Variants in KAT2B observed in about 807,000 individuals in gnomAD.
The protein encoded by KAT2B is lysine acetyltransferase 2B.
In KAT2B, 36 loss-of-function variants were observed where a neutral mutation model predicts 105.9. The observed-to-expected ratio is 0.34, with a 90% CI of 0.26 to 0.45. The LOEUF is 0.45. Ranked by LOEUF, KAT2B falls within the 20% of genes least tolerant of loss-of-function variation. The probability of loss-of-function intolerance (pLI) is 1.00; values close to 1 mark genes in which losing one functional copy is unlikely to be tolerated. For synonymous variants in KAT2B, 397 were observed against 377.9 expected, an observed-to-expected ratio of 1.05 and a Z score of -0.59; for missense variants, 820 against 1,021.6, an observed-to-expected ratio of 0.80 and a Z score of 2.69.
At chr3:20,048,098 T>A (rs1271917801) in intron 1 of KAT2B, among the ~76,000 whole-genome samples, 4 of 152,146 alleles carry the variant, frequency 2.6e-5, no homozygotes, top group Non-Finnish European at 4.4e-5. Context: ...GCCACATAAG[T>A]TTATTGCATA....
chr3:20,095,091 T>C (rs1698785536), intron 2 of KAT2B, among the ~76,000 whole-genome samples, 172 bp from the exon 3 acceptor site: 1 of 152,176 alleles, frequency 6.6e-6, no homozygotes. Context: ...TAATTATAGG[T>C]AGATTTTGTG....
intron 2 of KAT2B, among the ~76,000 whole-genome samples, chr3:20,072,677 A>G (rs1026159961): frequency 1.1e-4 from 17 of 152,182 alleles, no homozygotes; most frequent in African/African-American, 4.1e-4. Context: ...TCTTCCTTTC[A>G]AGAGCTGAGT....
intron 11 of KAT2B, among the ~76,000 whole-genome samples, chr3:20,133,130 A>G (rs2125185542): frequency 6.6e-6 from 1 of 152,276 alleles, no homozygotes; most frequent in Non-Finnish European, 1.5e-5. Flanking sequence ...CCATCCTGCT[A>G]TTTTTGTCAG....
chr3:20,152,003 G>C (rs528370030), intron 17 of KAT2B, among the ~76,000 whole-genome samples: 30 of 152,080 alleles, frequency 2.0e-4, no homozygotes, highest in Non-Finnish European at 3.8e-4. Flanking sequence ...AATTCTGACT[G>C]AATAGCTAAC....
chr3:20,061,872 ATATAT>A (rs1233081154), intron 1 of KAT2B, among the ~76,000 whole-genome samples: 2 of 91,614 alleles, frequency 2.2e-5, no homozygotes, highest in African/African-American at 7.6e-5. Flanking sequence ...AAAATATATA[ATATAT>A]TTGTATAAAA....
At chr3:20,080,752 G>T (rs1236702305) in intron 2 of KAT2B, among the ~76,000 whole-genome samples, 4 of 152,186 alleles carry the variant, frequency 2.6e-5, no homozygotes, top group African/African-American at 9.6e-5. Flanking sequence ...TGTGCTGTAA[G>T]CGTGAAATGC....
chr3:20,064,809 G>C (rs979304130), intron 1 of KAT2B, among the ~76,000 whole-genome samples: 1 of 152,182 alleles, frequency 6.6e-6, no homozygotes, highest in Non-Finnish European at 1.5e-5. Flanking sequence ...TTCCATCAAC[G>C]TGTTCTTGCT....
intron 11 of KAT2B, among the ~76,000 whole-genome samples, chr3:20,136,537 C>CT (rs113597336): frequency 8.7e-5 from 13 of 149,342 alleles, no homozygotes; most frequent in South Asian, 2.1e-4. Flanking sequence ...TCATTTGCAT[C>CT]TTTTTTTTTT....
intron 3 of KAT2B, 62 bp from the exon 4 acceptor site, chr3:20,099,798 GGA>G (rs1187073303): frequency 2.6e-6 from 2 of 779,584 alleles, no homozygotes; most frequent in Non-Finnish European, 4.4e-6. Context: ...AGAAGAGAGA[GGA>G]GAGAGAGATA....
At position 20,072,634 on chromosome 3, in the gene KAT2B, A is replaced by C. The variant is rs184573877; in HGVS notation, c.430+175A>C. ...CTGGGAAGGGCTTCTCGTGAGAGAC[A>C]AATGCTGCACTGTGTGCAGTGACTT... On this transcript the variant is annotated intron_variant, in intron 2 of 17. Transcript: ENST00000263754. Among the ~76,000 whole-genome samples the C allele has an allele frequency of 1.4e-4, 22 of 152,364 alleles. No homozygotes were observed. In the East Asian group the frequency reaches 4.2e-3, roughly 29 times the overall value.
chr3:20,049,535 C>G (rs762163690), intron 1 of KAT2B, among the ~76,000 whole-genome samples: 4 of 152,168 alleles, frequency 2.6e-5, no homozygotes, highest in Non-Finnish European at 5.9e-5. Flanking sequence ...CATTTTGCCT[C>G]CTCTTCCAAA....
At chr3:20,079,332 G>A (rs996758135) in intron 2 of KAT2B, among the ~76,000 whole-genome samples, 15 of 150,874 alleles carry the variant, frequency 9.9e-5, no homozygotes, top group African/African-American at 3.7e-4. Context: ...AGCCTCCCAA[G>A]TAGCTGGGAT....
At chr3:20,150,887 G>A (rs1244278672) in intron 17 of KAT2B, among the ~76,000 whole-genome samples, 3 of 151,926 alleles carry the variant, frequency 2.0e-5, no homozygotes, top group Admixed American at 6.6e-5. Context: ...CCCTTTTTGG[G>A]GGGTACATGT....
At chr3:20,087,587 A>G (rs1406718099) in intron 2 of KAT2B, among the ~76,000 whole-genome samples, 1 of 152,198 alleles carries the variant, frequency 6.6e-6, no homozygotes, top group Non-Finnish European at 1.5e-5. Context: ...GATAGTCACC[A>G]TGCCACACAA....
At chr3:20,107,312 T>C (rs1477235298) in intron 5 of KAT2B, among the ~76,000 whole-genome samples, 1 of 149,404 alleles carries the variant, frequency 6.7e-6, no homozygotes, top group African/African-American at 2.4e-5. Context: ...ATTATAGGCA[T>C]GAGCCACCAG....
At chr3:20,139,434 C>T (rs2125191048) in intron 12 of KAT2B, among the ~76,000 whole-genome samples, 1 of 152,192 alleles carries the variant, frequency 6.6e-6, no homozygotes, top group East Asian at 1.9e-4. Flanking sequence ...AAGATCTCAG[C>T]TATGGTTCTT....
At chr3:20,112,853 TAG>T (rs1436106657) in intron 6 of KAT2B, among the ~76,000 whole-genome samples, 5 of 152,210 alleles carry the variant, frequency 3.3e-5, no homozygotes, top group African/African-American at 9.7e-5. Context: ...TCAGTGAAGA[TAG>T]AGTTTTAATT....
chr3:20,152,624 G>C lies in KAT2B; in HGVS notation c.*99G>C. On this transcript the variant is annotated 3_prime_UTR_variant, in exon 18 of 18. Transcript: ENST00000263754. ...AGAATTGGACATGATGTATTGAAGAGACTTGTAAATGTAATAATTAGCACT... is the reference window on the plus strand; with the variant it reads ...AGAATTGGACATGATGTATTGAAGACACTTGTAAATGTAATAATTAGCACT... 3.4e-6 allele frequency: 3 copies of C among 893,130 alleles called. No homozygotes were observed. The highest frequency in any genetic ancestry group is 3.4e-5 in the African/African-American group (2 of 59,486). 55.3% of individuals were successfully genotyped at this position (893,130 alleles called of 1,614,324 possible).
chr3:20,092,995 C>G (rs1698750104), intron 2 of KAT2B, among the ~76,000 whole-genome samples: 1 of 152,162 alleles, frequency 6.6e-6, no homozygotes, highest in Non-Finnish European at 1.5e-5. Flanking sequence ...CCACCGTGCC[C>G]AGCCAGTTTT....
Sources: allele counts gnomAD v4.1 joint callset (sites outside exome capture counted in the v4.1 genomes callset), GRCh38; gene constraint gnomAD v4.1.1; transcripts MANE v1.5; gene names NCBI Gene and HGNC (gene_info 2026-07-23, HGNC 2026-07-21).